The following NEK11 variants were observed in gnomAD, a reference collection of about 807,000 sequenced individuals.
NEK11 encodes the protein NIMA related kinase 11, also known as serine/threonine-protein kinase Nek11.
NEK11 carries 72 observed loss-of-function variants against 80.7 expected under a neutral mutation model. The observed-to-expected ratio is 0.89, with a 90% CI of 0.74 to 1.08. The LOEUF is 1.08. NEK11 is among the 50% of genes least tolerant of loss of function. NEK11 has a pLI of 0.00. For missense variants in NEK11, 764 were observed against 763.6 expected, an observed-to-expected ratio of 1.00 and a Z score of -0.01; for synonymous variants, 251 against 260.7, an observed-to-expected ratio of 0.96 and a Z score of 0.36.
In NEK11 at chr3:131,142,631, T is replaced by C. The variant is rs560296919; in HGVS notation, c.647+8675T>C. On this transcript the variant is annotated intron_variant, in intron 7 of 17. Coordinates refer to ENST00000383366, the MANE Select transcript of NEK11 (RefSeq NM_024800.5). Reference sequence around the variant, plus strand: ...TGTTTCCATTGCCAACCTACCTCCCTACCCCAACTCCAAACATCCTTTCCT... The same window carrying C: ...TGTTTCCATTGCCAACCTACCTCCCCACCCCAACTCCAAACATCCTTTCCT... 7.9e-5 allele frequency among the ~76,000 whole-genome samples: 12 copies of C among 152,306 alleles called. No individual in the cohort carries two copies. The East Asian group carries it at 1.9e-3, about 24-fold the overall frequency.
At chr3:131,251,902 C>T (rs1057371817) in intron 16 of NEK11, among the ~76,000 whole-genome samples, 1 of 152,092 alleles carries the variant, frequency 6.6e-6, no homozygotes, top group Admixed American at 6.6e-5. Context: ...AAATACCTGT[C>T]TGGTGTGGAA....
chr3:131,246,551 A>G (rs1188024595), intron 16 of NEK11, among the ~76,000 whole-genome samples: 2 of 152,284 alleles, frequency 1.3e-5, no homozygotes, highest in East Asian at 3.9e-4. Flanking sequence ...ATATTTTTGC[A>G]ATTGCAAATT....
intron 14 of NEK11, among the ~76,000 whole-genome samples, chr3:131,182,525 G>A (rs2093412705): frequency 6.6e-6 from 1 of 152,068 alleles, no homozygotes; most frequent in South Asian, 2.1e-4. Context: ...TCCACATGTG[G>A]GGATATATTT....
At chr3:131,264,435 A>G (rs951546902) in intron 16 of NEK11, among the ~76,000 whole-genome samples, 1 of 152,218 alleles carries the variant, frequency 6.6e-6, no homozygotes, top group African/African-American at 2.4e-5. Flanking sequence ...GCATATGGCT[A>G]GCCAGTTTTC....
chr3:131,096,215 G>A (rs1033186202), intron 4 of NEK11, among the ~76,000 whole-genome samples: 3 of 151,744 alleles, frequency 2.0e-5, no homozygotes, highest in African/African-American at 7.3e-5. Context: ...GGCAGTGTCT[G>A]TTGTTCCTCT....
At chr3:131,324,655 T>G (rs2096938235) in intron 17 of NEK11, among the ~76,000 whole-genome samples, 1 of 152,202 alleles carries the variant, frequency 6.6e-6, no homozygotes, top group Non-Finnish European at 1.5e-5. Flanking sequence ...TGGGCTATGT[T>G]TCATGGCACA....
At chr3:131,335,922 G>C (rs1041365786) in intron 17 of NEK11, among the ~76,000 whole-genome samples, 59 of 152,118 alleles carry the variant, frequency 3.9e-4, no homozygotes, top group African/African-American at 1.3e-3. Flanking sequence ...GGATGTGAAG[G>C]ACCTCTTCAA....
intron 4 of NEK11, 168 bp from the exon 5 acceptor site, chr3:131,109,635 T>C (rs2079752986): frequency 4.5e-6 from 3 of 663,958 alleles, no homozygotes; most frequent in African/African-American, 1.9e-5. Flanking sequence ...AGAAGAGTGC[T>C]CAAAGGAACC....
chr3:131,309,537 T>G (rs573930760), intron 17 of NEK11, among the ~76,000 whole-genome samples: 66 of 152,262 alleles, frequency 4.3e-4, no homozygotes, highest in Admixed American at 1.0e-3. Flanking sequence ...ACAGTGATGT[T>G]TCATTACGTC....
chr3:131,333,176 A>G (rs2097123663), intron 17 of NEK11, among the ~76,000 whole-genome samples: 1 of 152,186 alleles, frequency 6.6e-6, no homozygotes, highest in Non-Finnish European at 1.5e-5. Flanking sequence ...CAGATTCACC[A>G]AAGTTGAAAT....
At chr3:131,264,729 G>T (rs1292090410) in intron 16 of NEK11, among the ~76,000 whole-genome samples, 1 of 152,002 alleles carries the variant, frequency 6.6e-6, no homozygotes, top group Non-Finnish European at 1.5e-5. Context: ...CTTTAAAGTA[G>T]TTTTTTTCCA....
intron 17 of NEK11, among the ~76,000 whole-genome samples, chr3:131,310,422 G>A (rs1561485896): frequency 6.6e-6 from 1 of 152,164 alleles, no homozygotes; most frequent in East Asian, 1.9e-4. Context: ...GGTGATTACA[G>A]GAGATACCTC....
chr3:131,056,440 A>G (rs2069513216), intron 3 of NEK11, among the ~76,000 whole-genome samples: 1 of 152,156 alleles, frequency 6.6e-6, no homozygotes, highest in Non-Finnish European at 1.5e-5. Flanking sequence ...TATCATGGTT[A>G]GATATGAAGG....
intron 17 of NEK11, among the ~76,000 whole-genome samples, chr3:131,335,966 AGAG>A (rs1442552187): frequency 6.6e-6 from 1 of 152,250 alleles, no homozygotes; most frequent in Non-Finnish European, 1.5e-5. Flanking sequence ...ATGAAATAAA[AGAG>A]GATACAAAGA....
In NEK11 at chr3:131,299,033, A is replaced by G. The variant is rs1438365797; in HGVS notation, c.1718+25459A>G. ...TTTTTTCCTCAGCCATTTTGCATCT[A>G]CTAATAAGCCCATCAAAGGCATTCT... On this transcript the variant is annotated intron_variant, in intron 17 of 17. Transcript: ENST00000383366. Among the ~76,000 whole-genome samples the G allele has an allele frequency of 2.0e-5, 3 of 150,148 alleles. No individual in the cohort carries two copies. In the East Asian group the frequency reaches 5.9e-4, roughly 29 times the overall value.
chr3:131,119,866 G>A (rs929272801), intron 5 of NEK11, among the ~76,000 whole-genome samples: 3 of 152,122 alleles, frequency 2.0e-5, no homozygotes, highest in African/African-American at 7.2e-5. Context: ...TTGAGCCTAT[G>A]TGTGTCTCTA....
chr3:131,339,732 G>A (rs1045772233), intron 17 of NEK11, among the ~76,000 whole-genome samples: 2 of 152,140 alleles, frequency 1.3e-5, no homozygotes, highest in African/African-American at 2.4e-5. Context: ...GGAACAGATT[G>A]CATGGAAGAA....
intron 14 of NEK11, among the ~76,000 whole-genome samples, chr3:131,228,156 G>A (rs539200438): frequency 6.6e-6 from 1 of 152,280 alleles, no homozygotes; most frequent in African/African-American, 2.4e-5. Context: ...TATGTGTGTT[G>A]TGTAATAGGA....
intron 15 of NEK11, among the ~76,000 whole-genome samples, chr3:131,239,454 C>T (rs1429536279): frequency 1.3e-5 from 2 of 152,136 alleles, no homozygotes; most frequent in East Asian, 3.9e-4. Context: ...CCTGGCAGCA[C>T]AGCATGAAAG....
Sources: gnomAD v4.1 joint callset for allele counts (sites outside exome capture counted in the v4.1 genomes callset) on GRCh38, gnomAD v4.1.1 for gene constraint, MANE v1.5 for transcripts, NCBI Gene and HGNC (gene_info 2026-07-23, HGNC 2026-07-21) for gene names.